The following RTTN variants were observed in gnomAD, a reference collection of about 807,000 sequenced individuals.
RTTN encodes the protein rotatin.
In RTTN, 182 loss-of-function variants were observed where a neutral mutation model predicts 269.2. That is an observed-to-expected ratio of 0.68 (90% CI 0.60 to 0.76). The LOEUF (loss-of-function observed/expected upper bound fraction) is 0.76. RTTN is among the 30% of genes least tolerant of loss of function. RTTN has a pLI of 0.00. For synonymous variants in RTTN, 1,006 were observed against 963.5 expected (o/e 1.04, Z -0.82); for missense variants, 2,545 against 2,608.6 (o/e 0.98, Z 0.53).
At chr18:70,128,578 T>A in intron 23 of RTTN, 32 bp from the exon 24 acceptor site, 1 of 1,578,824 alleles carries the variant, frequency 6.3e-7, no homozygotes, top group Admixed American at 1.7e-5. Context: ...AATTACAAAC[T>A]TTCAAATTCT....
chr18:70,004,166 G>C lies in RTTN; in HGVS notation c.6666C>G (p.Leu2222=), dbSNP rs1272203489. 1 of 1,613,190 alleles carries C rather than the reference G, an allele frequency of 6.2e-7. No homozygotes were observed. Among genetic ancestry groups the C allele is most frequent in the African/African-American group, 1.3e-5 (1 of 74,900 alleles). ...YLKCLENLVQ[L]LNSS is the part of the protein sequence containing the mutation. Reference sequence around the variant, plus strand: ...CCCATGGCACTCAGGAAGAATTAAGGAGCTGCACGAGGTTTTCAAGACATT... The same window carrying C: ...CCCATGGCACTCAGGAAGAATTAAGCAGCTGCACGAGGTTTTCAAGACATT... Residue 2222 remains leucine, a synonymous_variant, in exon 49 of 49, where the codon CTC becomes CTG. Transcript: ENST00000640769.
chr18:70,134,277 C>T (rs1365841212), intron 23 of RTTN, among the ~76,000 whole-genome samples, 196 bp downstream of exon 23: 2 of 151,926 alleles, frequency 1.3e-5, no homozygotes, highest in African/African-American at 2.4e-5. Context: ...TAAATTTGAA[C>T]GGTATCAAAA....
intron 16 of RTTN, 73 bp from the exon 17 acceptor site, chr18:70,149,110 T>C (rs2060471695): frequency 1.5e-6 from 2 of 1,340,292 alleles, no homozygotes; most frequent in Admixed American, 2.0e-5. Flanking sequence ...AAATAAGAAT[T>C]GTATTGTCCT....
In RTTN at chr18:70,028,704, T is replaced by A. The variant is rs770669519; in HGVS notation, c.5823+20A>T. On this transcript the variant is annotated intron_variant, in intron 43 of 48. Transcript: ENST00000640769. ...AATACCAGTACTCCTATTAAAATTT[T>A]GAAAAGTAGTTCTACTTACTTTACA... 11 of 1,534,040 alleles carry A rather than the reference T, an allele frequency of 7.2e-6. No individual in the cohort carries two copies. In the South Asian group the frequency reaches 1.3e-4, roughly 18 times the overall value.
At chr18:70,015,833 GAAA>G (rs35380364) in intron 46 of RTTN, among the ~76,000 whole-genome samples, 1 of 151,538 alleles carries the variant, frequency 6.6e-6, no homozygotes, top group South Asian at 2.1e-4. Context: ...AGCCCTCAAA[GAAA>G]AAAAAAATCA....
Position 70,068,925 on chromosome 18 carries a change from C to A in RTTN, c.4654-3003G>T, listed in dbSNP as rs117700190. Among the ~76,000 whole-genome samples the A allele has an allele frequency of 2.2e-4, 34 of 151,900 alleles. No homozygotes were observed. In the East Asian group the frequency reaches 3.7e-3, roughly 16 times the overall value. ...TTTACAGATATTACAAAAGACAATA[C>A]AAGCTTTTTAGAGCAGGCTGATGCT... On this transcript the variant is annotated intron_variant, in intron 34 of 48. Transcript: ENST00000640769.
At chr18:70,081,545 C>A (rs537961539) in intron 32 of RTTN, among the ~76,000 whole-genome samples, 4 of 152,188 alleles carry the variant, frequency 2.6e-5, no homozygotes, top group Admixed American at 6.5e-5. Flanking sequence ...GAGAACCCAT[C>A]ACTTCTATGG....
intron 10 of RTTN, among the ~76,000 whole-genome samples, chr18:70,181,169 C>G (rs148275202): frequency 6.6e-6 from 1 of 152,152 alleles, no homozygotes; most frequent in African/African-American, 2.4e-5. Flanking sequence ...TACCAACATG[C>G]CTTGATGTTG....
intron 11 of RTTN, among the ~76,000 whole-genome samples, chr18:70,173,491 CAAA>C (rs397974179): frequency 4.1e-5 from 2 of 48,510 alleles, no homozygotes; most frequent in Admixed American, 2.1e-4. Flanking sequence ...GACTCCAACT[CAAA>C]AAAAAAAAAA....
In RTTN at chr18:70,163,083, A is replaced by AC. The variant is rs1327951381; in HGVS notation, c.1929+2978_1929+2979insG. On this transcript the variant is annotated intron_variant, in intron 14 of 48. Coordinates refer to ENST00000640769, the MANE Select transcript of RTTN (RefSeq NM_173630.4). ...GTTACTATTATTAAAAAAAAAAAAA[A>AC]AAAAAAAAAAAAAAACAAGGCCAGA... Among the ~76,000 whole-genome samples the AC allele has an allele frequency of 3.0e-3, 436 of 145,332 alleles. 6 individuals are homozygous for AC. Among genetic ancestry groups the AC allele is most frequent in the Middle Eastern group, 0.01 (3 of 286 alleles).
intron 30 of RTTN, among the ~76,000 whole-genome samples, chr18:70,091,012 T>G (rs984017768): frequency 1.3e-5 from 2 of 152,242 alleles, no homozygotes; most frequent in Non-Finnish European, 2.9e-5. Context: ...GGAATGTCTA[T>G]TCTACCATCA....
chr18:70,051,579 T>C (rs772772992), intron 38 of RTTN, 31 bp from the exon 39 acceptor site: 11 of 1,523,278 alleles, frequency 7.2e-6, no homozygotes, highest in Non-Finnish European at 8.9e-6. Context: ...CTTCAAGTTA[T>C]TAACACAAAG....
intron 24 of RTTN, chr18:70,127,953 T>C: frequency 5.6e-6 from 3 of 539,874 alleles, no homozygotes; most frequent in Non-Finnish European, 9.8e-6. Flanking sequence ...CTTTTCCTCC[T>C]TATAAAAATT....
rs78377816 is a variant in RTTN at position 70,085,437 on chromosome 18, G to A, written c.4374+1176C>T. 2.6e-3 allele frequency among the ~76,000 whole-genome samples: 394 copies of A among 152,158 alleles called. 23 individuals carry two copies. In the East Asian group the frequency reaches 0.06, roughly 23 times the overall value. Reference sequence around the variant, plus strand: ...TGGATTCATGCTTCGGGTCATGTGCGGAAACTTGCCCTTGCTACGGTTCAG... The same window carrying A: ...TGGATTCATGCTTCGGGTCATGTGCAGAAACTTGCCCTTGCTACGGTTCAG... On this transcript the variant is annotated intron_variant, in intron 32 of 48. Transcript: ENST00000640769.
At chr18:70,085,246 C>A (rs768699550) in intron 32 of RTTN, among the ~76,000 whole-genome samples, 8 of 152,114 alleles carry the variant, frequency 5.3e-5, no homozygotes, top group Non-Finnish European at 7.4e-5. Flanking sequence ...TTTATTACAA[C>A]ATGGAAAGTA....
chr18:70,055,266 TATAAA>T (rs2057784203), intron 37 of RTTN, among the ~76,000 whole-genome samples: 1 of 152,170 alleles, frequency 6.6e-6, no homozygotes, highest in Non-Finnish European at 1.5e-5. Flanking sequence ...AAGTGAATTT[TATAAA>T]GATATTCTGA....
At chr18:70,164,259 C>T (rs2060927051) in intron 14 of RTTN, among the ~76,000 whole-genome samples, 1 of 139,178 alleles carries the variant, frequency 7.2e-6, no homozygotes, top group Admixed American at 7.4e-5. Context: ...GTTGCCTAGG[C>T]TTGAGTGCAG....
At chr18:70,179,442 T>C (rs1184050602) in intron 10 of RTTN, among the ~76,000 whole-genome samples, 1 of 152,238 alleles carries the variant, frequency 6.6e-6, no homozygotes, top group Non-Finnish European at 1.5e-5. Flanking sequence ...TACAGTTCTA[T>C]TTCCAACATT....
intron 38 of RTTN, 40 bp downstream of exon 38, chr18:70,054,091 A>T (rs1385754651): frequency 6.5e-7 from 1 of 1,540,438 alleles, no homozygotes; most frequent in Admixed American, 1.7e-5. Context: ...TTTCCTCAGT[A>T]TTATTCACTT....
Sources: allele counts gnomAD v4.1 joint callset (sites outside exome capture counted in the v4.1 genomes callset), GRCh38; gene constraint gnomAD v4.1.1; transcripts MANE v1.5; gene names NCBI Gene and HGNC (gene_info 2026-07-23, HGNC 2026-07-21).